GNAS: variants seen among roughly 807,000 people sequenced by gnomAD.
GNAS encodes GNAS complex locus.
In GNAS, 8 loss-of-function variants were observed where a neutral mutation model predicts 54.5. The observed-to-expected ratio is 0.15, with a 90% CI of 0.09 to 0.26. The LOEUF (loss-of-function observed/expected upper bound fraction) is 0.26. GNAS is among the 10% of genes least tolerant of loss of function. The pLI is 1.00. For missense variants in GNAS, 170 were observed against 529.8 expected (o/e 0.32, Z 6.67); for synonymous variants, 204 against 191.4 (o/e 1.07, Z -0.54).
At chr20:58,872,124 C>A (rs1176178695) in intron 1 of GNAS, among the ~76,000 whole-genome samples, 2 of 152,210 alleles carry the variant, frequency 1.3e-5, no homozygotes, top group Non-Finnish European at 2.9e-5. Context: ...GGGGCCACCA[C>A]CACCCTCTGA....
At chr20:58,842,554 T>TA (rs2085779405) in intron 1 of GNAS, 2 of 398,608 alleles carry the variant, frequency 5.0e-6, no homozygotes, top group Admixed American at 4.4e-5. Flanking sequence ...CCCTAGTAAA[T>TA]ACGGAGAAAC....
chr20:58,910,823 G>T lies in GNAS; in HGVS notation c.1179G>T (p.Leu393=), dbSNP rs757938962. ...GCATGCACCTTCGTCAGTACGAGCT[G>T]CTCTAAGAAGGGAACCCCCAAATTT... is the stretch of plus-strand genomic sequence containing the variant. ...IQRMHLRQYE[L]L Residue 393 remains leucine (L), a synonymous_variant, in exon 13 of 13, where the codon CTG becomes CTT. Transcript: ENST00000371085. The surrounding 1 kb of genome is among the most constrained non-coding windows in gnomAD (Gnocchi z 5.8). 9.3e-6 allele frequency: 15 copies of T among 1,614,014 alleles called. No homozygotes were observed. Among genetic ancestry groups the T allele is most frequent in the Middle Eastern group, 1.6e-4 (1 of 6,062 alleles).
At chr20:58,898,028 G>A (rs2090230241) in intron 2 of GNAS, 1 of 152,198 alleles carries the variant, frequency 6.6e-6, no homozygotes, top group African/African-American at 2.4e-5. Context: ...TTAAGAGTAA[G>A]ATAATACTGA....
chr20:58,892,288 CCGGGTGG>C (rs2089499996), intron 1 of GNAS: 2 of 630,562 alleles, frequency 3.2e-6, no homozygotes, highest in South Asian at 1.4e-4. Flanking sequence ...GGACAGGAAA[CCGGGTGG>C]CGGGTAGAGG....
chr20:58,904,470 G>C (rs766575357), intron 5 of GNAS, among the ~76,000 whole-genome samples: 5 of 152,170 alleles, frequency 3.3e-5, no homozygotes, highest in Non-Finnish European at 7.3e-5. Flanking sequence ...ACTACTTTTA[G>C]GGAACAAAAA....
intron 1 of GNAS, among the ~76,000 whole-genome samples, chr20:58,892,814 C>T (rs1425307078): frequency 6.6e-6 from 1 of 151,774 alleles, no homozygotes; most frequent in Non-Finnish European, 1.5e-5. Context: ...CTTTTTTTCC[C>T]CTTCCAGACT....
chr20:58,904,357 TAAAA>T (rs921226189), intron 5 of GNAS, among the ~76,000 whole-genome samples: 1 of 151,964 alleles, frequency 6.6e-6, no homozygotes, highest in Non-Finnish European at 1.5e-5. Flanking sequence ...TTCTCATTAT[TAAAA>T]AAAATGAAAT....
In GNAS at chr20:58,901,817, C is replaced by G. The variant is rs376737401; in HGVS notation, c.258-1714C>G. ...TGTGGAAGGCCTGTCGACAGGCCCG[C>G]ACTTGACCCCACCGTCCGTCCCCGC... is the stretch of plus-strand genomic sequence containing the variant. On this transcript the variant is annotated intron_variant, in intron 3 of 12. Coordinates refer to ENST00000371085, the MANE Select transcript of GNAS (RefSeq NM_000516.7). Among the ~76,000 whole-genome samples the G allele has an allele frequency of 2.2e-4, 33 of 151,328 alleles. No individual in the cohort carries two copies. In the East Asian group the frequency reaches 5.9e-3, roughly 27 times the overall value.
Position 58,910,471 on chromosome 20 carries a change from A to C in GNAS, c.1038+70A>C. 3.0e-6 allele frequency: 4 copies of C among 1,320,796 alleles called. No individual in the cohort carries two copies. The highest frequency in any genetic ancestry group is 4.4e-6 in the Non-Finnish European group (4 of 914,232). The allele number at this position is 1,320,796 out of a possible 1,614,324, so 81.8% of individuals were successfully genotyped here. On this transcript the variant is annotated intron_variant, in intron 12 of 12. Transcript: ENST00000371085. The surrounding 1 kb of genome is among the most constrained non-coding windows in gnomAD (Gnocchi z 5.8). ...TTTCTCATGGATGTAAATTTACTTA[A>C]TTCCAAATTCAGGGGTTCAGCTACC...
intron 1 of GNAS, chr20:58,895,187 GACA>G (rs1450962109): frequency 7.4e-6 from 2 of 269,300 alleles, no homozygotes; most frequent in Non-Finnish European, 1.5e-5. Context: ...TGAAACATCT[GACA>G]ACAAATTATG....
At chr20:58,842,274 T>C (rs780343508) in intron 1 of GNAS, 14 of 397,984 alleles carry the variant, frequency 3.5e-5, no homozygotes, top group Non-Finnish European at 5.3e-5. Context: ...GACTTGGAAA[T>C]TGATTTTTTT....
At chr20:58,908,389 A>G (rs2091223169) in intron 6 of GNAS, among the ~76,000 whole-genome samples, 1 of 152,094 alleles carries the variant, frequency 6.6e-6, no homozygotes, top group Non-Finnish European at 1.5e-5. Flanking sequence ...AACGGAAGAG[A>G]ACTTTGTGTT....
intron 1 of GNAS, chr20:58,895,059 C>T (rs1202422793): frequency 5.8e-6 from 1 of 172,930 alleles, no homozygotes; most frequent in Admixed American, 5.8e-5. Flanking sequence ...GGGTAGGAAA[C>T]CTGCACAGAA....
intron 1 of GNAS, among the ~76,000 whole-genome samples, chr20:58,885,408 T>C (rs1245989220): frequency 1.3e-5 from 2 of 152,246 alleles, no homozygotes; most frequent in Non-Finnish European, 2.9e-5. Context: ...ACGTCCACAT[T>C]CTGTTTGAAT....
At chr20:58,893,574 C>G (rs1417144376) in intron 1 of GNAS, among the ~76,000 whole-genome samples, 2 of 152,128 alleles carry the variant, frequency 1.3e-5, no homozygotes, top group African/African-American at 2.4e-5. Context: ...ACTTTGTTCT[C>G]CTGGGTCCAG....
intron 1 of GNAS, chr20:58,882,767 C>G (rs1198877055): frequency 2.0e-5 from 3 of 152,102 alleles, no homozygotes; most frequent in Admixed American, 6.6e-5. Context: ...GATAATACCC[C>G]CTTCCCAAGT....
intron 1 of GNAS, chr20:58,850,820 G>C: frequency 2.5e-6 from 1 of 398,810 alleles, no homozygotes; most frequent in Non-Finnish European, 4.4e-6. Context: ...GGTCTTCCAG[G>C]CCTAGCCGCC....
chr20:58,893,790 GC>G (rs557294302), intron 1 of GNAS, among the ~76,000 whole-genome samples: 2 of 152,228 alleles, frequency 1.3e-5, no homozygotes, highest in Non-Finnish European at 2.9e-5. Context: ...TTCTGTGAAT[GC>G]TATCTCAGTA....
intron 1 of GNAS, among the ~76,000 whole-genome samples, chr20:58,894,721 T>C: frequency 6.6e-6 from 1 of 152,248 alleles, no homozygotes; most frequent in East Asian, 1.9e-4. Flanking sequence ...TTCTACTCTT[T>C]GAGTTGGGAA....
Sources: gnomAD v4.1 joint callset for allele counts (sites outside exome capture counted in the v4.1 genomes callset) on GRCh38, gnomAD v4.1.1 for gene constraint, Gnocchi (gnomAD v3.1) non-coding constraint, MANE v1.5 for transcripts, NCBI Gene and HGNC (gene_info 2026-07-23, HGNC 2026-07-21) for gene names.